The following UVRAG variants were observed in gnomAD, a reference collection of about 807,000 sequenced individuals.
UVRAG encodes the protein UV radiation resistance-associated gene protein.
In UVRAG, 19 loss-of-function variants were observed where a neutral mutation model predicts 78.0. The ratio of observed to expected loss-of-function variants is 0.24; its 90% CI spans 0.17 to 0.36. The LOEUF (loss-of-function observed/expected upper bound fraction) is 0.36. Among genes scored for constraint, UVRAG ranks in the 10% least tolerant of loss-of-function variants. The probability of loss-of-function intolerance (pLI) is 1.00; values close to 1 mark genes in which losing one functional copy is unlikely to be tolerated. For missense variants in UVRAG, 740 were observed against 853.8 expected (o/e 0.87, Z 1.66); for synonymous variants, 323 against 324.6 (o/e 1.00, Z 0.05).
At chr11:75,875,293 A>T (rs572671922) in intron 3 of UVRAG, among the ~76,000 whole-genome samples, 2 of 152,266 alleles carry the variant, frequency 1.3e-5, no homozygotes, top group African/African-American at 4.8e-5. Context: ...TAGTGAGCAT[A>T]TGTTAGTGTC....
rs113545168 is a variant in UVRAG at position 76,083,214 on chromosome 11, C to G, written c.1305+17426C>G. ...TAACCTTTCAGGTTTTTGTTATTAT[C>G]CTCATTTTACAGGTGAGGAAACAGG... On this transcript the variant is annotated intron_variant, in intron 13 of 14. Transcript: ENST00000356136. 5.9e-5 allele frequency among the ~76,000 whole-genome samples: 9 copies of G among 152,158 alleles called. No homozygotes were observed. In the East Asian group the frequency reaches 1.2e-3, roughly 20 times the overall value.
chr11:76,114,966 A>G (rs1169828630), intron 13 of UVRAG, among the ~76,000 whole-genome samples: 11 of 152,242 alleles, frequency 7.2e-5, no homozygotes, highest in Admixed American at 5.9e-4. Flanking sequence ...TATAAAGTCT[A>G]TAAACTTTCT....
At chr11:76,134,417 C>T (rs921451008) in intron 14 of UVRAG, among the ~76,000 whole-genome samples, 1 of 152,122 alleles carries the variant, frequency 6.6e-6, no homozygotes, top group African/African-American at 2.4e-5. Flanking sequence ...ACATAAGCCA[C>T]CACGCCTGGC....
At chr11:75,875,016 A>G (rs865876503) in intron 3 of UVRAG, among the ~76,000 whole-genome samples, 20 of 152,336 alleles carry the variant, frequency 1.3e-4, no homozygotes, top group Middle Eastern at 3.4e-3. Context: ...CTATGTCTGC[A>G]TAGCTTAGTG....
At chr11:75,849,047 A>G (rs1946095408) in intron 1 of UVRAG, among the ~76,000 whole-genome samples, 1 of 152,158 alleles carries the variant, frequency 6.6e-6, no homozygotes, top group East Asian at 1.9e-4. Context: ...GTGTGGTGGC[A>G]CATGCCTGTA....
In UVRAG at chr11:76,003,257, A is replaced by ATTTTTTTTTTTTTTT. The variant is rs398045280; in HGVS notation, c.827-731_827-717dup. Among the ~76,000 whole-genome samples the ATTTTTTTTTTTTTTT allele has an allele frequency of 9.3e-5, 5 of 53,786 alleles. 1 individual carries two copies. Among genetic ancestry groups the ATTTTTTTTTTTTTTT allele is most frequent in the African/African-American group, 3.9e-4 (5 of 12,898 alleles). 35.3% of individuals were successfully genotyped at this position (53,786 alleles called of 152,430 possible). On this transcript the variant is annotated intron_variant, in intron 8 of 14. Transcript: ENST00000356136. ...CACTATGATTTTCACGAAAATACTG[A>ATTTTTTTTTTTTTTT]TTTTTTTTTTTTTTTTTTTTTTTTT...
At chr11:75,967,034 C>T (rs763113136) in intron 7 of UVRAG, among the ~76,000 whole-genome samples, 2 of 152,116 alleles carry the variant, frequency 1.3e-5, no homozygotes, top group Non-Finnish European at 1.5e-5. Flanking sequence ...GAGTTTGCAG[C>T]CACCCTCAGG....
chr11:76,016,152 C>T (rs1427740068), intron 11 of UVRAG, among the ~76,000 whole-genome samples: 2 of 152,116 alleles, frequency 1.3e-5, no homozygotes, highest in Admixed American at 1.3e-4. Flanking sequence ...TATAAGATAC[C>T]TGCATTTTTT....
chr11:75,940,257 TA>T (rs1189099740), intron 6 of UVRAG, among the ~76,000 whole-genome samples: 5 of 152,148 alleles, frequency 3.3e-5, no homozygotes, highest in Non-Finnish European at 7.4e-5. Context: ...TTTTCATATT[TA>T]AAACGAGAGC....
intron 13 of UVRAG, among the ~76,000 whole-genome samples, chr11:76,082,701 A>G (rs1951520390): frequency 6.6e-6 from 1 of 152,170 alleles, no homozygotes; most frequent in African/African-American, 2.4e-5. Flanking sequence ...TTTCAGCTAG[A>G]GCGCTTAAGC....
At chr11:76,089,756 G>A (rs1005997571) in intron 13 of UVRAG, among the ~76,000 whole-genome samples, 2 of 152,164 alleles carry the variant, frequency 1.3e-5, no homozygotes, top group Admixed American at 6.5e-5. Context: ...TGATAATGTT[G>A]ATGCTTCTTG....
chr11:75,932,208 C>T (rs770893493), intron 6 of UVRAG, among the ~76,000 whole-genome samples: 2 of 151,970 alleles, frequency 1.3e-5, no homozygotes, highest in Admixed American at 6.6e-5. Flanking sequence ...ATTAAAAATC[C>T]GCTAAGCAAA....
intron 6 of UVRAG, among the ~76,000 whole-genome samples, chr11:75,949,456 C>G (rs921049180): frequency 5.3e-5 from 8 of 152,026 alleles, no homozygotes; most frequent in African/African-American, 1.9e-4. Flanking sequence ...ATTTTTATCT[C>G]TGGCCAAGAT....
At chr11:76,063,101 C>A (rs532866815) in intron 12 of UVRAG, among the ~76,000 whole-genome samples, 156 of 152,214 alleles carry the variant, frequency 1.0e-3, no homozygotes, top group African/African-American at 3.6e-3. Flanking sequence ...CACAAATAAT[C>A]TTTTTTAAAA....
chr11:76,103,738 G>C (rs1467484859), intron 13 of UVRAG, among the ~76,000 whole-genome samples: 1 of 151,948 alleles, frequency 6.6e-6, no homozygotes, highest in African/African-American at 2.4e-5. Flanking sequence ...GAGCATTCTG[G>C]AAAACTGTGT....
chr11:75,949,722 C>T (rs906812330), intron 6 of UVRAG, among the ~76,000 whole-genome samples: 19 of 148,374 alleles, frequency 1.3e-4, no homozygotes, highest in African/African-American at 4.8e-4. Flanking sequence ...TATACACACA[C>T]ACACACACAT....
rs1949875926 is a variant in UVRAG at position 76,004,077 on chromosome 11, G to A, written c.899G>A (p.Cys300Tyr). 5 of 1,613,768 alleles carry A rather than the reference G, an allele frequency of 3.1e-6. No homozygotes were observed. Among genetic ancestry groups the A allele is most frequent in the Non-Finnish European group, 4.2e-6 (5 of 1,179,860 alleles). ...TCCCTAAATGAGCTGAGGAAGGAGT[G>A]CACTGCAAAAAGGTAAATGCACACT... ...KESLNELRKE[C>Y]TAKRELFLKT... The change falls in exon 9 of 15, where the codon TGC becomes TAC. Residue 300 changes from cysteine to tyrosine, a missense_variant. Transcript: ENST00000356136.
chr11:75,984,690 G>A (rs1949462375), intron 8 of UVRAG, among the ~76,000 whole-genome samples: 1 of 152,132 alleles, frequency 6.6e-6, no homozygotes, highest in Non-Finnish European at 1.5e-5. Flanking sequence ...CCACTGCCAA[G>A]ACTCAAACCG....
intron 3 of UVRAG, among the ~76,000 whole-genome samples, chr11:75,870,956 G>A (rs943201615): frequency 2.0e-5 from 3 of 151,566 alleles, no homozygotes; most frequent in East Asian, 1.9e-4. Flanking sequence ...TGCAACCTCC[G>A]CCTCCAAGGT....
Sources: allele counts gnomAD v4.1 joint callset (sites outside exome capture counted in the v4.1 genomes callset), GRCh38; gene constraint gnomAD v4.1.1; transcripts MANE v1.5; gene names NCBI Gene and HGNC (gene_info 2026-07-23, HGNC 2026-07-21).